Variants in PPHLN1 observed in about 807,000 individuals in gnomAD.
PPHLN1 encodes periphilin-1.
In PPHLN1, 29 loss-of-function variants were observed where a neutral mutation model predicts 51.3. The ratio of observed to expected loss-of-function variants is 0.57; its 90% confidence interval spans 0.42 to 0.77. The LOEUF is 0.77. Among genes scored for constraint, PPHLN1 ranks in the 30% least tolerant of loss-of-function variants. PPHLN1 has a pLI of 0.00. For synonymous variants in PPHLN1, 147 were observed against 147.8 expected (o/e 0.99, Z 0.04); for missense variants, 436 against 438.4 (o/e 0.99, Z 0.05).
At chr12:42,382,955 C>CA (rs1355574050) in intron 5 of PPHLN1, among the ~76,000 whole-genome samples, 1 of 151,492 alleles carries the variant, frequency 6.6e-6, no homozygotes, top group African/African-American at 2.4e-5. Context: ...TGTTGTGTTA[C>CA]AAAAAACAAA....
At chr12:42,439,847 G>T (rs565905076) in intron 9 of PPHLN1, among the ~76,000 whole-genome samples, 1 of 152,244 alleles carries the variant, frequency 6.6e-6, no homozygotes, top group South Asian at 2.1e-4. Context: ...GATAGTGTCA[G>T]TCTTTTGACT....
chr12:42,392,668 C>G (rs2077835562), intron 7 of PPHLN1, among the ~76,000 whole-genome samples: 1 of 152,090 alleles, frequency 6.6e-6, no homozygotes, highest in Non-Finnish European at 1.5e-5. Flanking sequence ...CAAAATAAGC[C>G]TTTAAACAGT....
intron 4 of PPHLN1, among the ~76,000 whole-genome samples, chr12:42,360,961 A>G (rs2074611235): frequency 6.6e-6 from 1 of 152,138 alleles, no homozygotes; most frequent in East Asian, 1.9e-4. Context: ...ATGTGATTGA[A>G]TCATTTCCTG....
chr12:42,385,802 A>G (rs1045255143), intron 6 of PPHLN1, among the ~76,000 whole-genome samples: 6 of 152,170 alleles, frequency 3.9e-5, no homozygotes, highest in Non-Finnish European at 5.9e-5. Context: ...GACTTGAGCT[A>G]AGTAGGCCAC....
chr12:42,390,357 T>C (rs900596094), intron 7 of PPHLN1, among the ~76,000 whole-genome samples: 1 of 152,194 alleles, frequency 6.6e-6, no homozygotes, highest in Non-Finnish European at 1.5e-5. Flanking sequence ...ACTGCCTTGG[T>C]TTTCATGTCA....
chr12:42,401,327 A>T (rs1461090459), intron 9 of PPHLN1, among the ~76,000 whole-genome samples: 1 of 152,214 alleles, frequency 6.6e-6, no homozygotes, highest in Non-Finnish European at 1.5e-5. Context: ...AAGAACAAGT[A>T]CCATGAATTC....
intron 8 of PPHLN1, 68 bp from the exon 9 acceptor site, chr12:42,398,786 T>C: frequency 6.8e-7 from 1 of 1,479,492 alleles, no homozygotes; most frequent in Non-Finnish European, 9.2e-7. Context: ...TTAGTGCCTA[T>C]ACACAACCAT....
Position 42,351,834 on chromosome 12 carries a change from A to G in PPHLN1, c.73-51A>G, listed in dbSNP as rs2073402631. ...TGTGCTTTTTAAAAACCTTTCCAAA[A>G]CCAAATAGAGAAATTAGTCATTTGT... On this transcript the variant is annotated intron_variant, in intron 2 of 9. Transcript: ENST00000358314. 5.4e-6 allele frequency: 8 copies of G among 1,477,534 alleles called. 1 individual carries two copies. In the Middle Eastern group the frequency reaches 5.4e-4, roughly 100 times the overall value. The allele number at this position is 1,477,534 out of a possible 1,614,324, so 91.5% of individuals were successfully genotyped here. A position where few individuals can be genotyped will look rare whatever the true frequency, so the allele number is the denominator to read the frequency against.
chr12:42,348,527 A>G (rs2072723388), intron 2 of PPHLN1, among the ~76,000 whole-genome samples: 1 of 152,150 alleles, frequency 6.6e-6, no homozygotes, highest in Non-Finnish European at 1.5e-5. Flanking sequence ...CCAAAGTTTT[A>G]CCAAATACAT....
At chr12:42,375,315 G>T (rs1364697937) in intron 5 of PPHLN1, 77 of 149,092 alleles carry the variant, frequency 5.2e-4, no homozygotes, top group South Asian at 1.1e-3. Context: ...CATGTAAAAG[G>T]TTTTTTTTTT....
chr12:42,417,943 G>GTTTTTTTTTTTTTT (rs371302578), intron 9 of PPHLN1, among the ~76,000 whole-genome samples: 3 of 88,392 alleles, frequency 3.4e-5, no homozygotes, highest in Non-Finnish European at 4.3e-5. Context: ...TTTTTTTTTT[G>GTTTTTTTTTTTTTT]TTTTTTTTTT....
At chr12:42,360,458 CTTTTTTTTTTTTT>C (rs71084642) in intron 4 of PPHLN1, among the ~76,000 whole-genome samples, 31 of 56,292 alleles carry the variant, frequency 5.5e-4, no homozygotes, top group East Asian at 2.0e-3. Context: ...ATGCTGAATT[CTTTTTTTTTTTTT>C]TTTTTTTTTT....
At chr12:42,415,243 C>G (rs1191648844) in intron 9 of PPHLN1, among the ~76,000 whole-genome samples, 2 of 152,226 alleles carry the variant, frequency 1.3e-5, no homozygotes, top group Non-Finnish European at 2.9e-5. Flanking sequence ...GTAATCTCAG[C>G]TCACTGCAAC....
chr12:42,439,764 A>G (rs1195685739), intron 9 of PPHLN1, among the ~76,000 whole-genome samples: 1 of 152,212 alleles, frequency 6.6e-6, no homozygotes, highest in African/African-American at 2.4e-5. Flanking sequence ...ACCTAAGGTG[A>G]TCTGCCTGCC....
intron 9 of PPHLN1, among the ~76,000 whole-genome samples, chr12:42,412,519 G>T (rs2079965559): frequency 6.6e-6 from 1 of 151,618 alleles, no homozygotes; most frequent in Non-Finnish European, 1.5e-5. Flanking sequence ...CTATATCTTT[G>T]CAATTGTGAA....
At chr12:42,335,705 T>C (rs1311884988) in intron 1 of PPHLN1, among the ~76,000 whole-genome samples, 178 bp from the exon 2 acceptor site, 14 of 151,564 alleles carry the variant, frequency 9.2e-5, no homozygotes, top group African/African-American at 2.9e-4. Context: ...TTTTTTTTTT[T>C]TAAAGAAAAT....
chr12:42,440,153 T>C (rs944682389), intron 9 of PPHLN1, among the ~76,000 whole-genome samples: 1 of 150,838 alleles, frequency 6.6e-6, no homozygotes, highest in African/African-American at 2.4e-5. Flanking sequence ...ATTTATATCT[T>C]CTTTCATTGG....
rs1301518004 is a variant in PPHLN1 at position 42,441,585 on chromosome 12, T to C, written c.*76T>C. 4 of 1,390,964 alleles carry C rather than the reference T, an allele frequency of 2.9e-6. No individual in the cohort carries two copies. Among genetic ancestry groups the C allele is most frequent in the Middle Eastern group, 2.0e-4 (1 of 5,036 alleles). 86.2% of individuals were successfully genotyped at this position (1,390,964 alleles called of 1,614,324 possible). A position where few individuals can be genotyped will look rare whatever the true frequency, so the allele number is the denominator to read the frequency against. Reference sequence around the variant, plus strand: ...TTTCCTGGATTGTGTAAATCCTTAATATATGGAATTTTTGTGATGCAGAGA... The same window carrying C: ...TTTCCTGGATTGTGTAAATCCTTAACATATGGAATTTTTGTGATGCAGAGA... On this transcript the variant is annotated 3_prime_UTR_variant, in exon 10 of 10. Transcript: ENST00000358314.
chr12:42,397,976 G>GTT (rs367948299), intron 8 of PPHLN1, among the ~76,000 whole-genome samples: 22 of 141,708 alleles, frequency 1.6e-4, no homozygotes, highest in East Asian at 6.0e-4. Flanking sequence ...CCTGCCTCGG[G>GTT]TTTTTTTTTT....
Sources: allele counts gnomAD v4.1 joint callset (sites outside exome capture counted in the v4.1 genomes callset), GRCh38; gene constraint gnomAD v4.1.1; transcripts MANE v1.5; gene names NCBI Gene and HGNC (gene_info 2026-07-23, HGNC 2026-07-21).